Variants in RABGAP1L observed in about 807,000 individuals in gnomAD.
RABGAP1L encodes the protein RAB GTPase activating protein 1 like, also known as rab GTPase-activating protein 1-like.
In RABGAP1L, 63 loss-of-function variants were observed where a neutral mutation model predicts 137.7. The ratio of observed to expected loss-of-function variants is 0.46; its 90% confidence interval spans 0.37 to 0.56. The LOEUF is 0.56. Among genes scored for constraint, RABGAP1L ranks in the 20% least tolerant of loss-of-function variants. The pLI is 0.00. For synonymous variants in RABGAP1L, 431 were observed against 433.7 expected (o/e 0.99, Z 0.08); for missense variants, 1,095 against 1,244.0 (o/e 0.88, Z 1.80).
chr1:174,440,631 G>A (rs574118465), intron 13 of RABGAP1L, among the ~76,000 whole-genome samples: 7 of 152,020 alleles, frequency 4.6e-5, no homozygotes, highest in Admixed American at 1.3e-4. Flanking sequence ...TGGAGTGCAC[G>A]GTGGCGTGAT....
intron 19 of RABGAP1L, among the ~76,000 whole-genome samples, chr1:174,867,361 T>A (rs1209479382): frequency 2.0e-5 from 3 of 151,374 alleles, no homozygotes; most frequent in African/African-American, 7.3e-5. Context: ...GATAGATAGA[T>A]AGATAGATAC....
intron 14 of RABGAP1L, among the ~76,000 whole-genome samples, chr1:174,659,170 T>G (rs765222199): frequency 6.6e-6 from 1 of 151,810 alleles, no homozygotes; most frequent in Non-Finnish European, 1.5e-5. Flanking sequence ...GTTTAATCCT[T>G]AAGTTTGTAT....
In RABGAP1L at chr1:174,435,266, G is replaced by A. The variant is rs374457699; in HGVS notation, c.1710+41121G>A. On this transcript the variant is annotated intron_variant, in intron 13 of 25. Transcript: ENST00000681986. The stretch of plus-strand genomic sequence containing the variant: ...CTCCTGGGCTCAAGTGATCCTCCTC[G>A]TTAGGCCTCCCAAAGTGCTGGGATT... Among the ~76,000 whole-genome samples, 52 of 152,162 alleles carry A rather than the reference G, an allele frequency of 3.4e-4. 2 individuals carry two copies. In the South Asian group the frequency reaches 7.7e-3, roughly 23 times the overall value.
intron 19 of RABGAP1L, among the ~76,000 whole-genome samples, chr1:174,834,997 G>A (rs991478994): frequency 2.6e-5 from 4 of 152,274 alleles, no homozygotes; most frequent in African/African-American, 9.6e-5. Context: ...AGAGGAAACT[G>A]TAGCAGTATT....
chr1:174,822,712 G>T (rs1691166990), intron 19 of RABGAP1L, among the ~76,000 whole-genome samples: 1 of 152,186 alleles, frequency 6.6e-6, no homozygotes, highest in South Asian at 2.1e-4. Context: ...CAGACAGGAG[G>T]CAGAGCTCAG....
chr1:174,533,376 G>C (rs1664604446), intron 13 of RABGAP1L, among the ~76,000 whole-genome samples: 1 of 152,056 alleles, frequency 6.6e-6, no homozygotes, highest in South Asian at 2.1e-4. Context: ...ACTACATACA[G>C]TTGACTCTTG....
intron 10 of RABGAP1L, among the ~76,000 whole-genome samples, chr1:174,294,584 A>G (rs1676936816): frequency 1.3e-5 from 2 of 152,186 alleles, no homozygotes; most frequent in African/African-American, 4.8e-5. Flanking sequence ...ATGACTCTAG[A>G]TTTTTAATTG....
intron 17 of RABGAP1L, among the ~76,000 whole-genome samples, chr1:174,707,981 A>G (rs1194763272): frequency 6.6e-6 from 1 of 152,222 alleles, no homozygotes; most frequent in Non-Finnish European, 1.5e-5. Flanking sequence ...TCACAGAATA[A>G]CTGACAGCCG....
At chr1:174,439,701 G>C (rs1291463856) in intron 13 of RABGAP1L, among the ~76,000 whole-genome samples, 2 of 152,158 alleles carry the variant, frequency 1.3e-5, no homozygotes, top group Non-Finnish European at 2.9e-5. Flanking sequence ...TGTATTCTGA[G>C]CTTCACATAG....
chr1:174,732,069 G>T (rs181866987), intron 17 of RABGAP1L, among the ~76,000 whole-genome samples: 2 of 152,148 alleles, frequency 1.3e-5, no homozygotes, highest in African/African-American at 4.8e-5. Context: ...GGGTGTTGTG[G>T]CGCGTGCCTG....
At chr1:174,744,311 C>T (rs1683695901) in intron 17 of RABGAP1L, among the ~76,000 whole-genome samples, 1 of 151,948 alleles carries the variant, frequency 6.6e-6, no homozygotes, top group Admixed American at 6.6e-5. Flanking sequence ...AATATTCTTG[C>T]TGTAGAACCT....
chr1:174,301,175 C>T lies in RABGAP1L; in HGVS notation c.1324-3811C>T, dbSNP rs558992128. 2.6e-5 allele frequency among the ~76,000 whole-genome samples: 4 copies of T among 152,062 alleles called. No individual in the cohort carries two copies. The South Asian group carries it at 6.2e-4, about 24-fold the overall frequency. On this transcript the variant is annotated intron_variant, in intron 10 of 25. Transcript: ENST00000681986. ...TGGCCAGTTGTTCCAAGTGCTGACA[C>T]AGAAGCAGGCTTTGTGCAGTGCTTG...
intron 13 of RABGAP1L, among the ~76,000 whole-genome samples, chr1:174,597,583 A>G (rs1412956500): frequency 3.3e-5 from 5 of 150,076 alleles, no homozygotes; most frequent in Non-Finnish European, 7.4e-5. Flanking sequence ...GATTTTATTT[A>G]TTTGTCTTCT....
intron 8 of RABGAP1L, among the ~76,000 whole-genome samples, chr1:174,274,051 C>G (rs143827784): frequency 1.1e-3 from 173 of 152,218 alleles, no homozygotes; most frequent in Non-Finnish European, 3.2e-4. Flanking sequence ...AAGAGAAACT[C>G]ATTACCTTAT....
At chr1:174,257,721 CA>C (rs1673245193) in intron 7 of RABGAP1L, among the ~76,000 whole-genome samples, 1 of 152,010 alleles carries the variant, frequency 6.6e-6, no homozygotes, top group South Asian at 2.1e-4. Flanking sequence ...GATATTTTAC[CA>C]AAAACACGAG....
chr1:174,957,235 C>G (rs1364051626), intron 19 of RABGAP1L, among the ~76,000 whole-genome samples: 1 of 152,170 alleles, frequency 6.6e-6, no homozygotes, highest in Non-Finnish European at 1.5e-5. Context: ...AGAGTTGAAT[C>G]TTTGCAACTT....
chr1:174,162,999 G>A (rs1664627922), intron 1 of RABGAP1L, among the ~76,000 whole-genome samples: 1 of 150,242 alleles, frequency 6.7e-6, no homozygotes, highest in Non-Finnish European at 1.5e-5. Flanking sequence ...TAGATGATGA[G>A]TTAGTGGGTG....
At chr1:174,579,566 A>G (rs1198987662) in intron 13 of RABGAP1L, among the ~76,000 whole-genome samples, 1 of 152,178 alleles carries the variant, frequency 6.6e-6, no homozygotes, top group East Asian at 1.9e-4. Flanking sequence ...ACTGCAGTAG[A>G]TATGACACAT....
At chr1:174,901,392 A>G (rs1658116854) in intron 19 of RABGAP1L, among the ~76,000 whole-genome samples, 1 of 152,222 alleles carries the variant, frequency 6.6e-6, no homozygotes, top group Non-Finnish European at 1.5e-5. Context: ...TCTTCTTCAC[A>G]TGGTGGTAGG....
Sources: gnomAD v4.1 joint callset for allele counts (sites outside exome capture counted in the v4.1 genomes callset) on GRCh38, gnomAD v4.1.1 for gene constraint, MANE v1.5 for transcripts, NCBI Gene and HGNC (gene_info 2026-07-23, HGNC 2026-07-21) for gene names.